KDM2B: variants seen among roughly 807,000 people sequenced by gnomAD.
KDM2B encodes the protein lysine demethylase 2B.
KDM2B carries 26 observed loss-of-function variants against 150.0 expected under a neutral mutation model. The ratio of observed to expected loss-of-function variants is 0.17; its 90% CI spans 0.13 to 0.24. The LOEUF (loss-of-function observed/expected upper bound fraction) is 0.24, where lower values mean the gene tolerates loss of function less well. Among genes scored for constraint, KDM2B ranks in the 10% least tolerant of loss-of-function variants. The pLI is 1.00. For synonymous variants in KDM2B, 734 were observed against 729.5 expected, an observed-to-expected ratio of 1.01 and a Z score of -0.10; for missense variants, 1,265 against 1,816.9, an observed-to-expected ratio of 0.70 and a Z score of 5.52.
chr12:121,457,072 A>G (rs562647807), intron 12 of KDM2B, among the ~76,000 whole-genome samples: 1 of 152,242 alleles, frequency 6.6e-6, no homozygotes, highest in African/African-American at 2.4e-5. Flanking sequence ...AAAAAGTCCA[A>G]CTGGGACTCT....
chr12:121,562,337 A>T (rs1890400646), intron 4 of KDM2B, among the ~76,000 whole-genome samples: 1 of 151,594 alleles, frequency 6.6e-6, no homozygotes, highest in Non-Finnish European at 1.5e-5. Flanking sequence ...ACAAAAAATT[A>T]GCCGGGCGTG....
chr12:121,430,770 C>T lies in KDM2B; in HGVS notation c.3830-301G>A. On this transcript the variant is annotated intron_variant, in intron 22 of 22. Transcript: ENST00000377071. This position sits in a 1 kb window ranked among gnomAD's most constrained non-coding sequence, Gnocchi z 4.4. ...CGTGCGTATGCTCATGTAAGTAGTT[C>T]TATGTGCTTTTACAATGATAGGTTC... The T allele has an allele frequency of 1.8e-6, 1 of 548,026 alleles. No homozygotes were observed. Among genetic ancestry groups the T allele is most frequent in the South Asian group, 2.9e-5 (1 of 34,836 alleles). The allele number at this position is 548,026 out of a possible 1,614,324, so 33.9% of individuals were successfully genotyped here.
intron 8 of KDM2B, among the ~76,000 whole-genome samples, chr12:121,527,337 T>C (rs1334035146): frequency 2.0e-5 from 2 of 102,174 alleles, no homozygotes; most frequent in East Asian, 3.4e-4. Flanking sequence ...CGTGAGCCAC[T>C]GTGCCCAGCC....
At chr12:121,571,400 T>C (rs1891077798) in intron 4 of KDM2B, among the ~76,000 whole-genome samples, 1 of 152,030 alleles carries the variant, frequency 6.6e-6, no homozygotes, top group Non-Finnish European at 1.5e-5. Flanking sequence ...GTGATTCTCC[T>C]GCCTCAGCCT....
At chr12:121,580,022 A>ATCT in intron 1 of KDM2B, 1 of 1,597,526 alleles carries the variant, frequency 6.3e-7, no homozygotes, top group South Asian at 1.1e-5. Context: ...CTACACACCA[A>ATCT]TCTTCTTCCA....
the KDM2B span, chr12:121,419,805 C>T: frequency 6.3e-6 from 1 of 158,482 alleles, no homozygotes; most frequent in Non-Finnish European, 1.4e-5. Flanking sequence ...TGTGGTAGGA[C>T]TGAGATCTTT....
At chr12:121,580,199 A>G in intron 1 of KDM2B, 1 of 1,461,496 alleles carries the variant, frequency 6.8e-7, no homozygotes, top group Non-Finnish European at 9.0e-7. Context: ...GTTTTGCACC[A>G]ACACTTAGGC....
chr12:121,438,842 A>C (rs1874458406), intron 22 of KDM2B, among the ~76,000 whole-genome samples: 1 of 152,182 alleles, frequency 6.6e-6, no homozygotes, highest in African/African-American at 2.4e-5. Flanking sequence ...AAAAAAAAAA[A>C]AAACCTGTAG....
chr12:121,578,455 G>T (rs1198590081), intron 2 of KDM2B, among the ~76,000 whole-genome samples: 1 of 152,188 alleles, frequency 6.6e-6, no homozygotes, highest in African/African-American at 2.4e-5. Flanking sequence ...CTCAGGCAGC[G>T]CAGGGAGCGC....
At position 121,566,228 on chromosome 12, in the gene KDM2B, C is replaced by T. The variant is rs186852701; in HGVS notation, c.397+8319G>A. 2.5e-3 allele frequency among the ~76,000 whole-genome samples: 376 copies of T among 152,274 alleles called. 2 individuals are homozygous for T. The highest frequency in any genetic ancestry group is 8.4e-3 in the African/African-American group (350 of 41,568). ...CTTCTAGGCCAGGCGTGGTGGCTCA[C>T]ACCTGTAATCCCAACACTGGGAGGC... On this transcript the variant is annotated intron_variant, in intron 4 of 22. Transcript: ENST00000377071.
chr12:121,416,486 A>C, the KDM2B span: 2 of 798,816 alleles, frequency 2.5e-6, no homozygotes, highest in East Asian at 2.6e-5. Flanking sequence ...AAATATCAAA[A>C]GCTTAGTTCC....
chr12:121,443,079 ATTT>A, intron 17 of KDM2B, 49 bp from the exon 18 acceptor site: 4 of 1,570,080 alleles, frequency 2.5e-6, no homozygotes, highest in Non-Finnish European at 3.5e-6. Flanking sequence ...GGCTCGTGGG[ATTT>A]GGTCTCCTCG....
In KDM2B at chr12:121,439,566, G is replaced by A. The variant is rs534092424; in HGVS notation, c.3829+291C>T. Among the ~76,000 whole-genome samples, 5 of 152,104 alleles carry A rather than the reference G, an allele frequency of 3.3e-5. No homozygotes were observed. The South Asian group carries it at 1.0e-3, about 32-fold the overall frequency. On this transcript the variant is annotated intron_variant, in intron 22 of 22. Transcript: ENST00000377071. The stretch of plus-strand genomic sequence containing the variant: ...CGGCTAATTTTTGTATTTTTTTGTA[G>A]AGACGGGGTTTCACCATGTTGGCCA...
chr12:121,412,873 T>C, the KDM2B span, among the ~76,000 whole-genome samples: 5 of 151,120 alleles, frequency 3.3e-5, no homozygotes, highest in Non-Finnish European at 7.4e-5. Flanking sequence ...TACAGGTGCC[T>C]GGGCCAGCTA....
chr12:121,432,092 G>C (rs1022081946), intron 22 of KDM2B, among the ~76,000 whole-genome samples: 5 of 151,818 alleles, frequency 3.3e-5, no homozygotes, highest in African/African-American at 1.2e-4. Context: ...ATGTTAGCCA[G>C]GCTGGTCTTG....
the KDM2B span, chr12:121,416,511 A>G: frequency 1.5e-6 from 1 of 650,986 alleles, no homozygotes; most frequent in Non-Finnish European, 2.7e-6. Context: ...GCCATTTTCC[A>G]TCTAGAAAAA....
rs781896255 is a variant in KDM2B, at chr12:121,453,881, G to A, written c.1735-537C>T. ...CGACAGAGGGCGCGTGCTTCTTGCC[G>A]CAGCACACAGCTCGAGACCTTCCAT... On this transcript the variant is annotated intron_variant, in intron 12 of 22. Transcript: ENST00000377071. The surrounding 1 kb of genome is among the most constrained non-coding windows in gnomAD (Gnocchi z 6.4). Among the ~76,000 whole-genome samples, 5 of 152,156 alleles carry A rather than the reference G, an allele frequency of 3.3e-5. No individual in the cohort carries two copies. Among genetic ancestry groups the A allele is most frequent in the African/African-American group, 9.7e-5 (4 of 41,434 alleles).
At position 121,521,909 on chromosome 12, in the gene KDM2B, G is replaced by T. The variant is rs1196696152; in HGVS notation, c.932-809C>A. Among the ~76,000 whole-genome samples, 2 of 152,006 alleles carry T rather than the reference G, an allele frequency of 1.3e-5. No homozygotes were observed. Among genetic ancestry groups the T allele is most frequent in the Non-Finnish European group, 2.9e-5 (2 of 68,000 alleles). ...AGATCGCTTGAGCTCAGCAGTTTGAGATCAGCCTGGACAATATAGTAATAC... is the reference window on the plus strand; with the variant it reads ...AGATCGCTTGAGCTCAGCAGTTTGATATCAGCCTGGACAATATAGTAATAC... On this transcript the variant is annotated intron_variant, in intron 8 of 22. Coordinates refer to ENST00000377071, the MANE Select transcript of KDM2B (RefSeq NM_032590.5). The surrounding 1 kb of genome is among the most constrained non-coding windows in gnomAD (Gnocchi z 4.9).
chr12:121,510,684 T>C (rs1555303848), intron 10 of KDM2B, among the ~76,000 whole-genome samples: 1 of 151,892 alleles, frequency 6.6e-6, no homozygotes, highest in East Asian at 1.9e-4. Flanking sequence ...TCCCAGCTAC[T>C]TGGGAGGCTG....
Sources: gnomAD v4.1 joint callset for allele counts (sites outside exome capture counted in the v4.1 genomes callset) on GRCh38, gnomAD v4.1.1 for gene constraint, Gnocchi (gnomAD v3.1) non-coding constraint, MANE v1.5 for transcripts, NCBI Gene and HGNC (gene_info 2026-07-23, HGNC 2026-07-21) for gene names.